The following HMCN1 variants were observed in gnomAD, a reference collection of about 807,000 sequenced individuals.
HMCN1 encodes the protein hemicentin-1.
Under a neutral mutation model 625.9 loss-of-function variants are expected in HMCN1, and 321 were observed. The observed-to-expected ratio is 0.51, with a 90% CI of 0.47 to 0.56. The LOEUF (loss-of-function observed/expected upper bound fraction) is 0.56. Among genes scored for constraint, HMCN1 ranks in the 20% least tolerant of loss-of-function variants. The pLI is 0.00. For missense variants in HMCN1, 6,588 were observed against 6,887.3 expected, an observed-to-expected ratio of 0.96 and a Z score of 1.54; for synonymous variants, 2,425 against 2,417.6, an observed-to-expected ratio of 1.00 and a Z score of -0.09.
At chr1:186,112,189 AT>A (rs1022833309) in intron 71 of HMCN1, among the ~76,000 whole-genome samples, 1 of 151,990 alleles carries the variant, frequency 6.6e-6, no homozygotes, top group Non-Finnish European at 1.5e-5. Context: ...TTATTTGCTT[AT>A]TTTTTTTAAA....
At chr1:185,809,145 C>T (rs142159587) in intron 1 of HMCN1, among the ~76,000 whole-genome samples, 215 of 152,142 alleles carry the variant, frequency 1.4e-3, no homozygotes, top group African/African-American at 4.7e-3. Context: ...TGTCTAAGAA[C>T]GAGAAAGAGG....
At chr1:185,972,318 C>A (rs1233408404) in intron 15 of HMCN1, among the ~76,000 whole-genome samples, 1 of 152,076 alleles carries the variant, frequency 6.6e-6, no homozygotes, top group Admixed American at 6.6e-5. Flanking sequence ...CTTGGTAATC[C>A]CTTTTAGCTT....
intron 1 of HMCN1, among the ~76,000 whole-genome samples, chr1:185,830,908 G>A (rs1332806387): frequency 6.6e-6 from 1 of 151,514 alleles, no homozygotes; most frequent in African/African-American, 2.4e-5. Context: ...AAAAATAGTG[G>A]CTATATTAAC....
At chr1:186,159,616 G>A (rs572418151) in intron 97 of HMCN1, among the ~76,000 whole-genome samples, 2 of 152,298 alleles carry the variant, frequency 1.3e-5, no homozygotes, top group South Asian at 4.1e-4. Context: ...CATATTGAGA[G>A]TTTTTAGCAT....
Position 185,982,770 on chromosome 1 carries a change from A to C in HMCN1, c.2790+381A>C, listed in dbSNP as rs529542079. ...TTCCTAATTTTCTTGAGTAAGAAGT[A>C]ATGTATTCCAATCACCAAAAGTATC... On this transcript the variant is annotated intron_variant, in intron 18 of 106. Coordinates refer to ENST00000271588, the MANE Select transcript of HMCN1 (RefSeq NM_031935.3). Among the ~76,000 whole-genome samples the C allele has an allele frequency of 2.6e-5, 4 of 152,254 alleles. No homozygotes were observed. In the South Asian group the frequency reaches 8.3e-4, roughly 32 times the overall value.
chr1:186,022,100 G>A (rs1654758647), intron 35 of HMCN1, among the ~76,000 whole-genome samples: 1 of 152,084 alleles, frequency 6.6e-6, no homozygotes, highest in African/African-American at 2.4e-5. Context: ...TTGTGCGAGT[G>A]AATTTGATGT....
intron 58 of HMCN1, 95 bp downstream of exon 58, chr1:186,086,502 G>A (rs376415886): frequency 1.4e-4 from 186 of 1,297,944 alleles, no homozygotes; most frequent in Admixed American, 3.8e-4. Context: ...AACTTTTGTC[G>A]TGCTTCATTT....
At chr1:185,958,614 A>T in intron 11 of HMCN1, among the ~76,000 whole-genome samples, 1 of 152,218 alleles carries the variant, frequency 6.6e-6, no homozygotes, top group East Asian at 1.9e-4. Flanking sequence ...CGTGCCTACT[A>T]CATGCCAGGC....
intron 48 of HMCN1, among the ~76,000 whole-genome samples, chr1:186,064,526 G>A (rs1333917752): frequency 6.6e-6 from 1 of 151,656 alleles, no homozygotes; most frequent in Non-Finnish European, 1.5e-5. Context: ...ATTTTTCTAT[G>A]AGGCCAGGCA....
intron 91 of HMCN1, 68 bp downstream of exon 91, chr1:186,144,771 A>G: frequency 6.4e-7 from 1 of 1,562,040 alleles, no homozygotes; most frequent in East Asian, 2.2e-5. Flanking sequence ...TAATTCCTTA[A>G]AGTTGCAATA....
chr1:185,991,210 G>T (rs1200561840), intron 22 of HMCN1, among the ~76,000 whole-genome samples: 1 of 152,112 alleles, frequency 6.6e-6, no homozygotes, highest in African/African-American at 2.4e-5. Context: ...CTTTCTGTTA[G>T]AATCATTGAT....
chr1:185,952,820 G>A (rs1649315328), intron 11 of HMCN1, among the ~76,000 whole-genome samples: 2 of 151,594 alleles, frequency 1.3e-5, no homozygotes, highest in African/African-American at 2.4e-5. Context: ...GTAGAGACAC[G>A]GAGAAGGGGT....
intron 4 of HMCN1, among the ~76,000 whole-genome samples, chr1:185,879,726 G>A (rs552162934): frequency 1.2e-4 from 19 of 152,122 alleles, no homozygotes; most frequent in Non-Finnish European, 1.9e-4. Flanking sequence ...AAAGTAAGAC[G>A]TCTGGAGCAA....
chr1:185,990,361 C>CT lies in HMCN1; in HGVS notation c.3297dup (p.Pro1100SerfsTer3), dbSNP rs1201865479. Reference sequence around the variant, plus strand: ...CGTCCTTGCAGGGGAAGAGGTAACACTTCCATGTGAAGTGAAGAGCTTACC... The same window carrying CT: ...CGTCCTTGCAGGGGAAGAGGTAACACTTTCCATGTGAAGTGAAGAGCTTACC... On this transcript the variant is annotated frameshift_variant, in exon 22 of 107. Coordinates refer to ENST00000271588, the MANE Select transcript of HMCN1 (RefSeq NM_031935.3). LOFTEE classifies it high-confidence loss of function. 2 of 1,613,564 alleles carry CT rather than the reference C, an allele frequency of 1.2e-6. No individual in the cohort carries two copies. Among genetic ancestry groups the CT allele is most frequent in the Non-Finnish European group, 1.7e-6 (2 of 1,179,566 alleles).
At chr1:185,978,007 A>G in intron 16 of HMCN1, 26 bp downstream of exon 16, 1 of 1,476,352 alleles carries the variant, frequency 6.8e-7, no homozygotes. Context: ...TATATTTTGT[A>G]CGAATATGTA....
intron 33 of HMCN1, among the ~76,000 whole-genome samples, 154 bp from the exon 34 acceptor site, chr1:186,018,029 G>T (rs959932631): frequency 2.0e-5 from 3 of 151,754 alleles, no homozygotes; most frequent in Admixed American, 6.6e-5. Context: ...CGTTAGGCCG[G>T]GTTTCCTTTT....
intron 1 of HMCN1, among the ~76,000 whole-genome samples, chr1:185,775,076 G>A (rs773419247): frequency 5.3e-5 from 8 of 152,078 alleles, no homozygotes; most frequent in African/African-American, 1.7e-4. Flanking sequence ...TCTGACATTC[G>A]GAGATGCTAA....
At chr1:185,883,905 T>G (rs1664465494) in intron 4 of HMCN1, among the ~76,000 whole-genome samples, 1 of 133,876 alleles carries the variant, frequency 7.5e-6, no homozygotes, top group East Asian at 2.4e-4. Flanking sequence ...TTTTTTTTTT[T>G]GCTTTTTAGT....
intron 36 of HMCN1, among the ~76,000 whole-genome samples, chr1:186,035,886 A>G (rs1019046298): frequency 3.9e-5 from 6 of 152,104 alleles, no homozygotes; most frequent in Non-Finnish European, 8.8e-5. Context: ...CTGCATGGGT[A>G]CTTTTATTTT....
Sources: allele counts gnomAD v4.1 joint callset (sites outside exome capture counted in the v4.1 genomes callset), GRCh38; gene constraint gnomAD v4.1.1; transcripts MANE v1.5; gene names NCBI Gene and HGNC (gene_info 2026-07-23, HGNC 2026-07-21).